DIAPH2: variants seen among roughly 807,000 people sequenced by gnomAD.
DIAPH2 encodes diaphanous related formin 2.
Under a neutral mutation model 92.7 loss-of-function variants are expected in DIAPH2, and 35 were observed. The observed-to-expected ratio is 0.38, with a 90% confidence interval of 0.29 to 0.50. The LOEUF is 0.50. Ranked by LOEUF, DIAPH2 falls within the 20% of genes least tolerant of loss-of-function variation. The probability of loss-of-function intolerance (pLI) is 0.94; values close to 1 mark genes in which losing one functional copy is unlikely to be tolerated. For synonymous variants in DIAPH2, 301 were observed against 280.4 expected, an observed-to-expected ratio of 1.07 and a Z score of -0.73; for missense variants, 701 against 819.5, an observed-to-expected ratio of 0.86 and a Z score of 1.77.
chrX:97,221,244 T>G (rs750856216), intron 22 of DIAPH2, among the ~76,000 whole-genome samples: 4 of 112,077 alleles, frequency 3.6e-5, no homozygotes, highest in African/African-American at 6.5e-5. Flanking sequence ...GTCTACAGTG[T>G]CCTTAGAGGA....
rs1602431162 is a variant in DIAPH2 at position 97,226,999 on chromosome X, G to A, written c.2720-20716G>A. ...GAAACTCACAAAATTGGCCAGGTGCGGTTGCTCATGCCTGTAATCCCAGCA... is the reference window on the plus strand; with the variant it reads ...GAAACTCACAAAATTGGCCAGGTGCAGTTGCTCATGCCTGTAATCCCAGCA... On this transcript the variant is annotated intron_variant, in intron 22 of 26. Transcript: ENST00000324765. Among the ~76,000 whole-genome samples, 3 of 111,260 alleles carry A rather than the reference G, an allele frequency of 2.7e-5. No individual in the cohort carries two copies. The Middle Eastern group carries it at 0.014, about 513-fold the overall frequency.
intron 20 of DIAPH2, among the ~76,000 whole-genome samples, chrX:97,112,356 A>G (rs2066986222): frequency 9.0e-6 from 1 of 111,436 alleles, no homozygotes; most frequent in Non-Finnish European, 1.9e-5. Flanking sequence ...CAGGGAGACT[A>G]AAAAACTACT....
intron 26 of DIAPH2, among the ~76,000 whole-genome samples, chrX:97,486,412 G>A (rs2070689080): frequency 9.0e-6 from 1 of 111,560 alleles, no homozygotes; most frequent in South Asian, 3.8e-4. Context: ...TCTCGTGCTA[G>A]AGAAAAAGAG....
intron 26 of DIAPH2, among the ~76,000 whole-genome samples, chrX:97,508,331 A>C (rs1355432456): frequency 8.9e-6 from 1 of 111,962 alleles, no homozygotes. Context: ...TATTCCTTGC[A>C]TAGATTTAGG....
intron 25 of DIAPH2, among the ~76,000 whole-genome samples, chrX:97,391,821 CAAAG>C (rs1387259277): frequency 9.0e-6 from 1 of 110,773 alleles, no homozygotes; most frequent in Non-Finnish European, 1.9e-5. Context: ...AAAGCAAACA[CAAAG>C]ATTATTTCTG....
At chrX:96,797,637 C>T (rs757772327) in intron 4 of DIAPH2, among the ~76,000 whole-genome samples, 16 of 111,782 alleles carry the variant, frequency 1.4e-4, no homozygotes, top group South Asian at 7.5e-4. Context: ...GAGCAAGAGA[C>T]GGAGGGGGAG....
At chrX:97,570,120 ATAT>A (rs1569426237) in intron 26 of DIAPH2, among the ~76,000 whole-genome samples, 11 of 21,855 alleles carry the variant, frequency 5.0e-4, no homozygotes, top group African/African-American at 1.0e-3. Flanking sequence ...ATATATATAT[ATAT>A]TAGAAGATAG....
chrX:97,305,882 G>A (rs1276855088), intron 23 of DIAPH2, among the ~76,000 whole-genome samples: 1 of 108,832 alleles, frequency 9.2e-6, no homozygotes, highest in Non-Finnish European at 1.9e-5. Flanking sequence ...AAGAAGGTAG[G>A]GAACTGTCAC....
chrX:97,446,908 C>T (rs998107929), intron 26 of DIAPH2, among the ~76,000 whole-genome samples: 1 of 108,022 alleles, frequency 9.3e-6, no homozygotes, highest in African/African-American at 3.4e-5. Flanking sequence ...AGTATGGCTT[C>T]TTTTCTGGGC....
intron 26 of DIAPH2, among the ~76,000 whole-genome samples, chrX:97,523,001 T>C (rs949030578): frequency 8.9e-6 from 1 of 111,925 alleles, no homozygotes; most frequent in African/African-American, 3.2e-5. Context: ...TTATCCAAGG[T>C]GTTGCTATTT....
At chrX:97,035,072 A>C (rs2066401516) in intron 17 of DIAPH2, among the ~76,000 whole-genome samples, 1 of 112,047 alleles carries the variant, frequency 8.9e-6, no homozygotes, top group African/African-American at 3.2e-5. Context: ...CACAAGAGGA[A>C]GGAATCATAG....
chrX:97,079,467 C>T (rs1172888140), intron 19 of DIAPH2, among the ~76,000 whole-genome samples: 1 of 111,152 alleles, frequency 9.0e-6, no homozygotes, highest in Non-Finnish European at 1.9e-5. Flanking sequence ...GTGGTAGAGA[C>T]AGTGGTTGTA....
chrX:97,287,952 C>CAAAAAAAAAAAAAAAAAAAAA (rs748309881), intron 23 of DIAPH2, among the ~76,000 whole-genome samples: 2 of 39,782 alleles, frequency 5.0e-5, no homozygotes, highest in African/African-American at 2.2e-4. Context: ...GACTCTGTCT[C>CAAAAAAAAAAAAAAAAAAAAA]AAAAAAAAAA....
intron 4 of DIAPH2, among the ~76,000 whole-genome samples, chrX:96,825,565 C>CT (rs900402902): frequency 1.8e-5 from 2 of 110,433 alleles, no homozygotes; most frequent in African/African-American, 6.6e-5. Flanking sequence ...CTGTAATAAT[C>CT]TTTTTTTCCT....
At chrX:97,357,275 A>AT (rs1186963859) in intron 24 of DIAPH2, among the ~76,000 whole-genome samples, 1 of 111,931 alleles carries the variant, frequency 8.9e-6, no homozygotes, top group Non-Finnish European at 1.9e-5. Context: ...CCTGAGGTTA[A>AT]TACTACTGGT....
intron 26 of DIAPH2, among the ~76,000 whole-genome samples, chrX:97,530,139 T>A (rs748555033): frequency 8.9e-6 from 1 of 111,859 alleles, no homozygotes; most frequent in Admixed American, 9.5e-5. Flanking sequence ...GTCAAGGCAG[T>A]CAGTACTGAA....
chrX:96,993,539 A>G (rs1028752496), intron 17 of DIAPH2, among the ~76,000 whole-genome samples: 5 of 111,321 alleles, frequency 4.5e-5, no homozygotes, highest in African/African-American at 1.6e-4. Flanking sequence ...GGGAAGTGCT[A>G]CACACTTTCA....
intron 23 of DIAPH2, among the ~76,000 whole-genome samples, chrX:97,323,591 A>T (rs1435194983): frequency 1.3e-5 from 1 of 77,431 alleles, no homozygotes; most frequent in African/African-American, 5.1e-5. Flanking sequence ...ACTCCGTCTC[A>T]AGAAAAAAAA....
intron 25 of DIAPH2, among the ~76,000 whole-genome samples, chrX:97,424,807 T>C (rs1303285445): frequency 7.3e-5 from 8 of 110,316 alleles, no homozygotes; most frequent in Admixed American, 2.9e-4. Context: ...GTATTTTTTG[T>C]AAAGATGGGG....
Sources: gnomAD v4.1 joint callset for allele counts (sites outside exome capture counted in the v4.1 genomes callset) on GRCh38, gnomAD v4.1.1 for gene constraint, MANE v1.5 for transcripts, NCBI Gene and HGNC (gene_info 2026-07-23, HGNC 2026-07-21) for gene names.